The following PHF14 variants were observed in gnomAD, a reference collection of about 807,000 sequenced individuals.
PHF14 encodes the protein PHD finger protein 14.
Under a neutral mutation model 117.9 loss-of-function variants are expected in PHF14, and 55 were observed. The ratio of observed to expected loss-of-function variants is 0.47; its 90% CI spans 0.38 to 0.58. PHF14 has a LOEUF of 0.58. PHF14 is among the 20% of genes least tolerant of loss of function. PHF14 has a pLI of 0.00. For missense variants in PHF14, 978 were observed against 1,122.2 expected (o/e 0.87, Z 1.84); for synonymous variants, 409 against 368.6 (o/e 1.11, Z -1.26).
chr7:10,984,959 A>G (rs1470694559), intron 3 of PHF14, among the ~76,000 whole-genome samples: 1 of 152,218 alleles, frequency 6.6e-6, no homozygotes, highest in Non-Finnish European at 1.5e-5. Flanking sequence ...TGTAGAAGAG[A>G]TTATAAAAAG....
chr7:11,059,077 A>T (rs1219494875), intron 14 of PHF14, among the ~76,000 whole-genome samples: 2 of 152,206 alleles, frequency 1.3e-5, no homozygotes, highest in Non-Finnish European at 2.9e-5. Context: ...CTAATATATG[A>T]GAAGAAATTT....
At chr7:10,999,335 G>GCTTAT in intron 4 of PHF14, among the ~76,000 whole-genome samples, 1 of 152,270 alleles carries the variant, frequency 6.6e-6, no homozygotes, top group African/African-American at 2.4e-5. Context: ...TGAATATATA[G>GCTTAT]TTCCTTATCT....
intron 16 of PHF14, among the ~76,000 whole-genome samples, chr7:11,068,627 G>A (rs1340026570): frequency 6.6e-6 from 1 of 152,090 alleles, no homozygotes; most frequent in East Asian, 1.9e-4. Flanking sequence ...TTGCACAACA[G>A]TGTGAATGTG....
In PHF14 at chr7:11,051,863, T is replaced by C. The variant is rs1784860493; in HGVS notation, c.2481+83T>C. ...GAGTGAGAAAGACACAGGGCAAACA[T>C]ATACTCAGAAGTCAAAGAAAAAGAC... On this transcript the variant is annotated intron_variant, in intron 14 of 17. Transcript: ENST00000634607. 4 of 1,145,518 alleles carry C rather than the reference T, an allele frequency of 3.5e-6. No homozygotes were observed. The East Asian group carries it at 9.6e-5, about 28-fold the overall frequency. The allele number at this position is 1,145,518 out of a possible 1,614,324, so 71.0% of individuals were successfully genotyped here.
intron 3 of PHF14, among the ~76,000 whole-genome samples, chr7:10,984,615 G>A (rs1339024556): frequency 1.3e-5 from 2 of 152,046 alleles, no homozygotes; most frequent in African/African-American, 4.8e-5. Context: ...TTTTTATTAG[G>A]TTGATATTCT....
intron 4 of PHF14, 94 bp downstream of exon 4, chr7:10,990,941 T>G (rs1011753212): frequency 1.2e-6 from 1 of 810,122 alleles, no homozygotes; most frequent in East Asian, 2.9e-5. Context: ...TCATGGTGTT[T>G]CGGTTGAAAT....
rs187238650 is a variant in PHF14 at position 10,979,046 on chromosome 7, C to T, written c.113-3326C>T. On this transcript the variant is annotated intron_variant, in intron 2 of 17. Coordinates refer to ENST00000634607, the MANE Select transcript of PHF14 (RefSeq NM_001007157.2). ...AACACTGTTGTACCAGATCAATGAACAGAATTAGATTGATGAAATTGATGA... is the reference window on the plus strand; with the variant it reads ...AACACTGTTGTACCAGATCAATGAATAGAATTAGATTGATGAAATTGATGA... 4.3e-3 allele frequency among the ~76,000 whole-genome samples: 651 copies of T among 152,066 alleles called. 5 individuals are homozygous for T. Among genetic ancestry groups the T allele is most frequent in the Non-Finnish European group, 7.1e-3 (481 of 67,970 alleles).
intron 12 of PHF14, 68 bp from the exon 13 acceptor site, chr7:11,042,615 T>G: frequency 9.3e-7 from 1 of 1,077,282 alleles, no homozygotes; most frequent in East Asian, 2.8e-5. Flanking sequence ...TTGAAAAATA[T>G]GCTATAAGTA....
At position 11,050,907 on chromosome 7, in the gene PHF14, C is replaced by T. The variant is rs1209511476; in HGVS notation, c.2313-705C>T. On this transcript the variant is annotated intron_variant, in intron 13 of 17. Transcript: ENST00000634607. ...TAGTTTCTTTAAGTAGTATATTCAG[C>T]ACAAGTTGTCACTGACTACAATTAA... Among the ~76,000 whole-genome samples the T allele has an allele frequency of 2.0e-5, 3 of 152,036 alleles. No homozygotes were observed. The East Asian group carries it at 5.8e-4, about 29-fold the overall frequency.
At chr7:11,109,316 C>G (rs553969057) in intron 16 of PHF14, 1 of 151,906 alleles carries the variant, frequency 6.6e-6, no homozygotes, top group East Asian at 1.9e-4. Flanking sequence ...ACAGCTGACT[C>G]CTGGTCCTCA....
intron 3 of PHF14, among the ~76,000 whole-genome samples, chr7:10,987,423 A>AAT (rs1021937176): frequency 5.9e-5 from 9 of 151,532 alleles, no homozygotes; most frequent in East Asian, 1.9e-4. Context: ...TCATATGTGG[A>AAT]ATATATATAT....
At chr7:11,022,630 G>T (rs547392390) in intron 5 of PHF14, among the ~76,000 whole-genome samples, 2 of 152,152 alleles carry the variant, frequency 1.3e-5, no homozygotes, top group African/African-American at 4.8e-5. Context: ...ATAGTTGTTA[G>T]CTCTCAGTTT....
intron 12 of PHF14, among the ~76,000 whole-genome samples, chr7:11,041,020 T>C (rs1784487850): frequency 6.6e-6 from 1 of 151,960 alleles, no homozygotes; most frequent in Non-Finnish European, 1.5e-5. Context: ...AAAATTACTT[T>C]AGATAACATT....
intron 16 of PHF14, among the ~76,000 whole-genome samples, chr7:11,092,238 G>A (rs1786666158): frequency 6.6e-6 from 1 of 152,120 alleles, no homozygotes; most frequent in South Asian, 2.1e-4. Context: ...CTTCATCCCA[G>A]CTAAATTTGC....
At chr7:11,035,824 T>C (rs377621969) in intron 8 of PHF14, 38 bp downstream of exon 8, 2 of 1,499,306 alleles carry the variant, frequency 1.3e-6, no homozygotes, top group South Asian at 1.3e-5. Context: ...GTTTTTGTTT[T>C]AAGGTTATGT....
intron 10 of PHF14, among the ~76,000 whole-genome samples, chr7:11,037,882 A>G (rs2128322759): frequency 6.6e-6 from 1 of 152,334 alleles, no homozygotes; most frequent in African/African-American, 2.4e-5. Flanking sequence ...GCCAACTCAC[A>G]AAAACTCTAT....
chr7:11,140,466 T>C (rs1788369103), intron 17 of PHF14, among the ~76,000 whole-genome samples: 1 of 152,154 alleles, frequency 6.6e-6, no homozygotes, highest in African/African-American at 2.4e-5. Context: ...AATGCAGTTA[T>C]AGAAGCAAAT....
At chr7:11,162,072 C>CTTTTTTTTTTTTTTTTTTTTTTTTTTTT (rs564998009) in intron 17 of PHF14, among the ~76,000 whole-genome samples, 2 of 70,300 alleles carry the variant, frequency 2.8e-5, no homozygotes, top group Admixed American at 2.3e-4. Context: ...AAAAATATGT[C>CTTTTTTTTTTTTTTTTTTTTTTTTTTTT]TTTTTTTTTT....
At chr7:11,045,630 C>A (rs1212636473) in intron 13 of PHF14, among the ~76,000 whole-genome samples, 1 of 152,214 alleles carries the variant, frequency 6.6e-6, no homozygotes, top group African/African-American at 2.4e-5. Flanking sequence ...GATTTGGATG[C>A]TTTCTTCAGT....
Sources: allele counts gnomAD v4.1 joint callset (sites outside exome capture counted in the v4.1 genomes callset), GRCh38; gene constraint gnomAD v4.1.1; transcripts MANE v1.5; gene names NCBI Gene and HGNC (gene_info 2026-07-23, HGNC 2026-07-21).